The following NDRG4 variants were observed in gnomAD, a reference collection of about 807,000 sequenced individuals.
NDRG4 encodes the protein NDRG family member 4, also known as protein NDRG4.
In NDRG4, 38 loss-of-function variants were observed where a neutral mutation model predicts 55.8. The observed-to-expected ratio is 0.68, with a 90% confidence interval of 0.53 to 0.89. The LOEUF is 0.89. Among genes scored for constraint, NDRG4 ranks in the 40% least tolerant of loss-of-function variants. The pLI is 0.00. For missense variants in NDRG4, 455 were observed against 468.6 expected, an observed-to-expected ratio of 0.97 and a Z score of 0.27; for synonymous variants, 190 against 182.7, an observed-to-expected ratio of 1.04 and a Z score of -0.32.
rs890343053 is a variant in NDRG4, at chr16:58,513,266, TTTA to T, written c.*1696_*1698del. 3 of 152,414 alleles carry T rather than the reference TTTA, an allele frequency of 2.0e-5. No homozygotes were observed. The highest frequency in any genetic ancestry group is 4.8e-5 in the African/African-American group (2 of 41,458). The allele number at this position is 152,414 out of a possible 1,614,324, so 9.4% of individuals were successfully genotyped here. ...CTTTGGTCAAGGTGAACTTTTAATG[TTTA>T]TTATTTTCTTCTCCGCACAAAGTAA... On this transcript the variant is annotated 3_prime_UTR_variant, in exon 15 of 15. Transcript: ENST00000570248.
chr16:58,511,645 CTTTAG>C lies in NDRG4; in HGVS notation c.*74_*78del, dbSNP rs748679563. 7.4e-5 allele frequency: 118 copies of C among 1,597,954 alleles called. No homozygotes were observed. The highest frequency in any genetic ancestry group is 7.2e-4 in the African/African-American group (54 of 74,690). On this transcript the variant is annotated 3_prime_UTR_variant, in exon 15 of 15. Coordinates refer to ENST00000570248, the MANE Select transcript of NDRG4 (RefSeq NM_001242835.2). ...CCATCCTTGCGCCGGCTCATGTTCCCTTTAGTTTATTTTTGTGAGGGCAAAGGGGA... is the reference window on the plus strand; with the variant it reads ...CCATCCTTGCGCCGGCTCATGTTCCCTTTATTTTTGTGAGGGCAAAGGGGA...
At chr16:58,478,498 G>T (rs879274494) in intron 1 of NDRG4, among the ~76,000 whole-genome samples, 3 of 152,094 alleles carry the variant, frequency 2.0e-5, no homozygotes, top group East Asian at 1.9e-4. Context: ...TCCTGGGTTG[G>T]GTCCTAGACC....
intron 1 of NDRG4, among the ~76,000 whole-genome samples, chr16:58,486,728 C>T (rs1345115089): frequency 6.6e-6 from 1 of 151,130 alleles, no homozygotes; most frequent in Non-Finnish European, 1.5e-5. Flanking sequence ...CACACACACA[C>T]ACACACACAC....
intron 1 of NDRG4, among the ~76,000 whole-genome samples, chr16:58,503,458 G>C (rs1597290138): frequency 6.6e-6 from 1 of 152,174 alleles, no homozygotes; most frequent in Non-Finnish European, 1.5e-5. Context: ...TGGGGAGGCA[G>C]AGCTGTCCAG....
chr16:58,470,829 C>A (rs113700612), intron 1 of NDRG4, among the ~76,000 whole-genome samples: 8,131 of 150,178 alleles, frequency 0.054, 283 homozygotes, highest in African/African-American at 0.098. Flanking sequence ...ATCGCTTGAA[C>A]CTGGGAGGCA....
At position 58,506,595 on chromosome 16, in the gene NDRG4, T is replaced by C; in HGVS notation, c.497T>C (p.Leu166Pro). ...ACTAGCACTTTACCCGACACGGTGC[T>C]CTCCCACCTCTTCAGCCAGGTAAGG... ...GLTSTLPDTV[L>P]SHLFSQEELV... The change falls in exon 7 of 15, where the codon CTC becomes CCC. Residue 166 changes from leucine to proline, a missense_variant. Coordinates refer to ENST00000570248, the MANE Select transcript of NDRG4 (RefSeq NM_001242835.2). The C allele has an allele frequency of 1.3e-6, 2 of 1,565,170 alleles. No homozygotes were observed. Among genetic ancestry groups the C allele is most frequent in the Middle Eastern group, 1.7e-4 (1 of 5,792 alleles).
At chr16:58,465,195 T>C (rs1215454600) in intron 1 of NDRG4, 59 of 955,864 alleles carry the variant, frequency 6.2e-5, no homozygotes, top group Non-Finnish European at 8.0e-5. Flanking sequence ...CTGGGACTTA[T>C]AGGTGCTCCA....
chr16:58,485,713 C>G (rs2035010999), intron 1 of NDRG4, among the ~76,000 whole-genome samples: 1 of 152,134 alleles, frequency 6.6e-6, no homozygotes, highest in Non-Finnish European at 1.5e-5. Flanking sequence ...ATTGTGTTAG[C>G]TGGTTTCCTC....
rs2038112566 is a variant in NDRG4 at position 58,506,932 on chromosome 16, A to G, written c.537A>G (p.Thr179=). The part of the protein sequence containing the change: ...LFSQEELVNN[T]ELVQSYRQQI... ...CCTAGGAGGAGCTGGTGAACAACAC[A>G]GAGTTGGTGCAGAGCTACCGGCAGC... The change falls in exon 8 of 15, where the codon ACA becomes ACG. Residue 179 remains threonine, a synonymous_variant. Transcript: ENST00000570248. 1 of 1,614,086 alleles carries G rather than the reference A, an allele frequency of 6.2e-7. No individual in the cohort carries two copies. Among genetic ancestry groups the G allele is most frequent in the Non-Finnish European group, 8.5e-7 (1 of 1,179,996 alleles).
chr16:58,511,463 G>T lies in NDRG4; in HGVS notation c.946G>T (p.Ala316Ser). 6.2e-7 allele frequency: 1 copy of T among 1,612,662 alleles called. No homozygotes were observed. Among genetic ancestry groups the T allele is most frequent in the Non-Finnish European group, 8.5e-7 (1 of 1,179,892 alleles). Reference protein sequence around the residue: ...SMTRLARSRTASLTSASSVDG... With the variant: ...SMTRLARSRTSSLTSASSVDG... ...GACCCGCCTGGCACGCTCCCGCACT[G>T]CATCCCTCACCAGTGCCAGCTCGGT... Residue 316 changes from alanine (A) to serine (S), a missense_variant, in exon 15 of 15, where the codon GCA becomes TCA. Coordinates refer to ENST00000570248, the MANE Select transcript of NDRG4 (RefSeq NM_001242835.2).
At chr16:58,501,290 A>C in intron 1 of NDRG4, 1 of 388,748 alleles carries the variant, frequency 2.6e-6, no homozygotes, top group Non-Finnish European at 4.5e-6. Context: ...ACCAGCACCA[A>C]CTCCCACACC....
chr16:58,508,873 C>T, intron 10 of NDRG4, 89 bp from the exon 11 acceptor site: 1 of 1,455,232 alleles, frequency 6.9e-7, no homozygotes, highest in Non-Finnish European at 9.5e-7. Flanking sequence ...CACCCCCTCT[C>T]CTCCCCGAGC....
chr16:58,493,211 T>C (rs1318437643), intron 2 of NDRG4, among the ~76,000 whole-genome samples: 1 of 152,218 alleles, frequency 6.6e-6, no homozygotes, highest in East Asian at 1.9e-4. Flanking sequence ...GCTTCCCTCA[T>C]CCTCCTGTGG....
At chr16:58,476,610 C>G (rs1321417719) in intron 1 of NDRG4, among the ~76,000 whole-genome samples, 1 of 152,122 alleles carries the variant, frequency 6.6e-6, no homozygotes, top group Admixed American at 6.6e-5. Flanking sequence ...ACTGCCATCA[C>G]ATGAACATCA....
At chr16:58,506,684 G>A (rs1567349389) in intron 7 of NDRG4, 70 bp downstream of exon 7, 1 of 1,499,908 alleles carries the variant, frequency 6.7e-7, no homozygotes, top group Non-Finnish European at 9.0e-7. Context: ...TCGGTAGGAG[G>A]CAGGCGGGTG....
At chr16:58,495,080 C>G in intron 3 of NDRG4, 1 of 1,499,756 alleles carries the variant, frequency 6.7e-7, no homozygotes. Context: ...TGGCCAGGTC[C>G]CAGAGGAGGG....
intron 1 of NDRG4, among the ~76,000 whole-genome samples, chr16:58,478,697 G>T (rs200598968): frequency 7.1e-4 from 98 of 137,716 alleles, no homozygotes; most frequent in Admixed American, 1.6e-3. Flanking sequence ...TTTGTTTTTT[G>T]TTTTTTTTTT....
At position 58,508,928 on chromosome 16, in the gene NDRG4, G is replaced by A. The variant is rs199818019; in HGVS notation, c.730-34G>A. 4.0e-3 allele frequency: 6,477 copies of A among 1,610,192 alleles called. 23 individuals carry two copies. The highest frequency in any genetic ancestry group is 5.1e-3 in the Non-Finnish European group (6,065 of 1,178,450). ...TTGGCAATGGGGGTGGGGAGGGGCA[G>A]GGGCTGTTGCTGAAGCTGGCTCCTT... On this transcript the variant is annotated intron_variant, in intron 10 of 14. Transcript: ENST00000570248.
intron 1 of NDRG4, among the ~76,000 whole-genome samples, chr16:58,481,171 C>A (rs57482621): frequency 6.6e-6 from 1 of 151,968 alleles, no homozygotes; most frequent in Admixed American, 6.6e-5. Context: ...AAAATGAGGA[C>A]AATAATAGTA....
Sources: allele counts gnomAD v4.1 joint callset (sites outside exome capture counted in the v4.1 genomes callset), GRCh38; gene constraint gnomAD v4.1.1; transcripts MANE v1.5; gene names NCBI Gene and HGNC (gene_info 2026-07-23, HGNC 2026-07-21).